Variants in GPC5 observed in about 807,000 individuals in gnomAD.
GPC5 encodes the protein glypican-5.
Under a neutral mutation model 53.9 loss-of-function variants are expected in GPC5, and 47 were observed. That is an observed-to-expected ratio of 0.87 (90% CI 0.69 to 1.11). GPC5 has a LOEUF of 1.11. Among genes scored for constraint, GPC5 ranks in the 50% most tolerant of loss-of-function variants. The pLI is 0.00. For missense variants in GPC5, 748 were observed against 713.1 expected, an observed-to-expected ratio of 1.05 and a Z score of -0.56; for synonymous variants, 286 against 263.3, an observed-to-expected ratio of 1.09 and a Z score of -0.84.
At chr13:92,811,517 T>C (rs1877298799) in intron 7 of GPC5, among the ~76,000 whole-genome samples, 1 of 152,010 alleles carries the variant, frequency 6.6e-6, no homozygotes, top group African/African-American at 2.4e-5. Flanking sequence ...TTCTAGATAT[T>C]AAAACATTAT....
At chr13:92,114,613 C>T (rs1275844351) in intron 6 of GPC5, among the ~76,000 whole-genome samples, 2 of 152,174 alleles carry the variant, frequency 1.3e-5, no homozygotes, top group Non-Finnish European at 2.9e-5. Context: ...ACTGACATGT[C>T]ATTACAGAAG....
intron 7 of GPC5, among the ~76,000 whole-genome samples, chr13:92,327,755 CT>C (rs2043262091): frequency 6.6e-6 from 1 of 152,132 alleles, no homozygotes; most frequent in Non-Finnish European, 1.5e-5. Context: ...GAAATCAAAA[CT>C]TTTCAGTATG....
chr13:92,652,658 C>G (rs1354283721), intron 7 of GPC5, among the ~76,000 whole-genome samples: 2 of 152,122 alleles, frequency 1.3e-5, no homozygotes, highest in Non-Finnish European at 2.9e-5. Context: ...AAAATGAGGA[C>G]AGTATCCTTC....
chr13:92,820,024 C>T (rs1877621440), intron 7 of GPC5, among the ~76,000 whole-genome samples: 1 of 152,132 alleles, frequency 6.6e-6, no homozygotes, highest in Non-Finnish European at 1.5e-5. Flanking sequence ...TTCTCTGCTT[C>T]CTCTCTGAAC....
chr13:91,477,325 G>A (rs947038903), intron 2 of GPC5, among the ~76,000 whole-genome samples: 1 of 152,108 alleles, frequency 6.6e-6, no homozygotes. Context: ...TTCAGGGTTT[G>A]GAGAAATGTT....
intron 3 of GPC5, among the ~76,000 whole-genome samples, chr13:91,709,516 G>A (rs1231198735): frequency 6.6e-6 from 1 of 152,058 alleles, no homozygotes; most frequent in Non-Finnish European, 1.5e-5. Flanking sequence ...ATCCTCCCAA[G>A]CACCTTTATC....
chr13:91,538,135 T>G (rs747722987), intron 2 of GPC5, among the ~76,000 whole-genome samples: 6 of 152,220 alleles, frequency 3.9e-5, no homozygotes. Context: ...GTCCATAGAT[T>G]AGAGGTATGA....
chr13:92,075,967 C>T (rs1395112413), intron 6 of GPC5, among the ~76,000 whole-genome samples: 7 of 152,056 alleles, frequency 4.6e-5, no homozygotes, highest in African/African-American at 1.4e-4. Flanking sequence ...TATCAAGATG[C>T]TGATTTTCTA....
chr13:92,069,120 T>C (rs1282738237), intron 6 of GPC5, among the ~76,000 whole-genome samples: 1 of 152,130 alleles, frequency 6.6e-6, no homozygotes, highest in African/African-American at 2.4e-5. Context: ...TTGATAAGAC[T>C]ACTATTTCCC....
intron 7 of GPC5, among the ~76,000 whole-genome samples, chr13:92,441,295 C>G (rs1468443520): frequency 6.6e-6 from 1 of 152,216 alleles, no homozygotes; most frequent in East Asian, 1.9e-4. Flanking sequence ...TCTCAAACTC[C>G]TGGCCTCAAG....
In GPC5 at chr13:92,493,692, A is replaced by G. The variant is rs575084954; in HGVS notation, c.1561+348703A>G. ...AAATCTTTCTTATTTTTCTTTTTCA[A>G]TGAGACACCAGAGGCATAGAGGCAT... On this transcript the variant is annotated intron_variant, in intron 7 of 7. Coordinates refer to ENST00000377067, the MANE Select transcript of GPC5 (RefSeq NM_004466.6). Among the ~76,000 whole-genome samples, 6 of 152,284 alleles carry G rather than the reference A, an allele frequency of 3.9e-5. No individual in the cohort carries two copies. The South Asian group carries it at 8.3e-4, about 21-fold the overall frequency.
At chr13:92,458,315 G>C (rs1878352349) in intron 7 of GPC5, among the ~76,000 whole-genome samples, 1 of 133,904 alleles carries the variant, frequency 7.5e-6, no homozygotes, top group African/African-American at 2.9e-5. Context: ...GGGGGGGCAG[G>C]GTGGGGGATG....
At chr13:91,753,278 G>A (rs913923618) in intron 4 of GPC5, among the ~76,000 whole-genome samples, 4 of 152,184 alleles carry the variant, frequency 2.6e-5, no homozygotes, top group East Asian at 3.8e-4. Flanking sequence ...AGATAAGGAT[G>A]ATCATAAATA....
At chr13:91,483,371 C>T (rs933628418) in intron 2 of GPC5, among the ~76,000 whole-genome samples, 11 of 152,090 alleles carry the variant, frequency 7.2e-5, no homozygotes, top group African/African-American at 1.7e-4. Flanking sequence ...TTAATCAAGA[C>T]CTTAGGGAAT....
chr13:92,227,178 G>A (rs2042493368), intron 7 of GPC5, among the ~76,000 whole-genome samples: 1 of 152,212 alleles, frequency 6.6e-6, no homozygotes, highest in African/African-American at 2.4e-5. Flanking sequence ...AAATACCAAA[G>A]TGGAGGGTGA....
chr13:92,603,937 A>G (rs1209887601), intron 7 of GPC5, among the ~76,000 whole-genome samples: 1 of 151,988 alleles, frequency 6.6e-6, no homozygotes, highest in Non-Finnish European at 1.5e-5. Context: ...ATCACTTTCA[A>G]CTCCCTCCAC....
intron 6 of GPC5, among the ~76,000 whole-genome samples, chr13:91,942,443 A>G (rs1004607557): frequency 1.2e-4 from 19 of 152,022 alleles, no homozygotes; most frequent in African/African-American, 4.3e-4. Context: ...CTTATATCAA[A>G]CCTTTCTGAT....
chr13:92,513,544 C>CCCTTT (rs71737823), intron 7 of GPC5, among the ~76,000 whole-genome samples: 1,487 of 148,674 alleles, frequency 0.01, 26 homozygotes, highest in African/African-American at 0.035. Flanking sequence ...CCCTTTCTCT[C>CCCTTT]CCTTTCCTTT....
intron 5 of GPC5, among the ~76,000 whole-genome samples, chr13:91,871,523 A>AATAT (rs2039144447): frequency 6.6e-6 from 1 of 152,196 alleles, no homozygotes; most frequent in South Asian, 2.1e-4. Flanking sequence ...AAAAAAGAGG[A>AATAT]ATATATAGCA....
Sources: allele counts gnomAD v4.1 joint callset (sites outside exome capture counted in the v4.1 genomes callset), GRCh38; gene constraint gnomAD v4.1.1; transcripts MANE v1.5; gene names NCBI Gene and HGNC (gene_info 2026-07-23, HGNC 2026-07-21).